The following TMEM236 variants were observed in gnomAD, a reference collection of about 807,000 sequenced individuals.
The protein encoded by TMEM236 is transmembrane protein 236.
In TMEM236, 11 loss-of-function variants were observed where a neutral mutation model predicts 14.7. The ratio of observed to expected loss-of-function variants is 0.75; its 90% CI spans 0.47 to 1.24. The LOEUF (loss-of-function observed/expected upper bound fraction) is 1.24, where lower values mean the gene tolerates loss of function less well. Among genes scored for constraint, TMEM236 ranks in the 50% most tolerant of loss-of-function variants. TMEM236 has a pLI of 0.00. For missense variants in TMEM236, 464 were observed against 427.3 expected (o/e 1.09, Z -0.76); for synonymous variants, 182 against 168.6 (o/e 1.08, Z -0.62).
At chr10:17,785,745 G>A (rs1036597606) in intron 3 of TMEM236, among the ~76,000 whole-genome samples, 5 of 151,574 alleles carry the variant, frequency 3.3e-5, no homozygotes, top group African/African-American at 9.7e-5. Context: ...GGGACCAACC[G>A]GGGGGGGATA....
rs1381150086 is a variant in TMEM236, at chr10:17,764,927, G to C, written c.258-6382G>C. 2.1e-5 allele frequency among the ~76,000 whole-genome samples: 3 copies of C among 145,652 alleles called. No homozygotes were observed. In the East Asian group the frequency reaches 6.2e-4, roughly 30 times the overall value. Reference sequence around the variant, plus strand: ...GGCTCACCTCAACCTCTGCCTCCCAGATTCAAGCCTCAGCCTCCCGGGTAG... The same window carrying C: ...GGCTCACCTCAACCTCTGCCTCCCACATTCAAGCCTCAGCCTCCCGGGTAG... On this transcript the variant is annotated intron_variant, in intron 1 of 3. Coordinates refer to ENST00000377495, the MANE Select transcript of TMEM236 (RefSeq NM_001098844.3).
intron 3 of TMEM236, among the ~76,000 whole-genome samples, chr10:17,788,558 C>G (rs1837873581): frequency 6.9e-6 from 1 of 145,670 alleles, no homozygotes; most frequent in African/African-American, 2.5e-5. Context: ...CAAGACCAGC[C>G]TGAGTAACAT....
At chr10:17,776,711 G>T (rs1406465410) in intron 3 of TMEM236, among the ~76,000 whole-genome samples, 1 of 152,156 alleles carries the variant, frequency 6.6e-6, no homozygotes, top group Non-Finnish European at 1.5e-5. Context: ...AGGATGGGAA[G>T]ATGGCATGAG....
chr10:17,753,221 C>T (rs1837234907), intron 1 of TMEM236, among the ~76,000 whole-genome samples: 1 of 152,102 alleles, frequency 6.6e-6, no homozygotes, highest in Admixed American at 6.5e-5. Flanking sequence ...GCAGGGAATC[C>T]CCGTGATGCT....
chr10:17,784,145 CTT>C (rs1387580161), intron 3 of TMEM236, among the ~76,000 whole-genome samples: 3 of 152,030 alleles, frequency 2.0e-5, no homozygotes, highest in African/African-American at 7.2e-5. Flanking sequence ...CTTAAAAAGT[CTT>C]TTTTTCACTA....
chr10:17,759,998 A>G (rs1342267447), intron 1 of TMEM236, among the ~76,000 whole-genome samples: 3 of 150,856 alleles, frequency 2.0e-5, no homozygotes, highest in African/African-American at 4.9e-5. Context: ...AAAAAAAAAA[A>G]AAAAAAAAAA....
chr10:17,784,070 C>T (rs968463170), intron 3 of TMEM236, among the ~76,000 whole-genome samples: 1 of 152,026 alleles, frequency 6.6e-6, no homozygotes, highest in Middle Eastern at 3.4e-3. Flanking sequence ...TGGTGTTTTT[C>T]ATATAGGGAA....
At chr10:17,777,362 A>G (rs914599993) in intron 3 of TMEM236, among the ~76,000 whole-genome samples, 2 of 152,240 alleles carry the variant, frequency 1.3e-5, no homozygotes, top group Admixed American at 1.3e-4. Flanking sequence ...TGCCCTCCAG[A>G]GTCAAGCGTA....
At chr10:17,778,634 C>T (rs1043089430) in intron 3 of TMEM236, among the ~76,000 whole-genome samples, 1 of 152,128 alleles carries the variant, frequency 6.6e-6, no homozygotes, top group Non-Finnish European at 1.5e-5. Context: ...TGAATATGTT[C>T]TTTGCTCTTT....
At chr10:17,759,172 A>G (rs1397512293) in intron 1 of TMEM236, among the ~76,000 whole-genome samples, 1 of 152,214 alleles carries the variant, frequency 6.6e-6, no homozygotes, top group Non-Finnish European at 1.5e-5. Flanking sequence ...GAAGAAAGCT[A>G]TTTATATACA....
chr10:17,765,924 C>T (rs1837455330), intron 1 of TMEM236, among the ~76,000 whole-genome samples: 1 of 152,216 alleles, frequency 6.6e-6, no homozygotes, highest in African/African-American at 2.4e-5. Context: ...GCTCCATCAA[C>T]CCATTTTCTC....
chr10:17,784,935 T>A (rs1447866519), intron 3 of TMEM236, among the ~76,000 whole-genome samples: 1 of 152,062 alleles, frequency 6.6e-6, no homozygotes, highest in Middle Eastern at 3.2e-3. Flanking sequence ...AACCAGGAAT[T>A]TGTTCTGGGG....
rs1024277032 is a variant in TMEM236, at chr10:17,795,863, T to C, written c.473-58T>C. On this transcript the variant is annotated intron_variant, in intron 3 of 3. Transcript: ENST00000377495. ...ATGGAATTTTAAATTTGAATAACAT[T>C]TGAGCTAAAATGGATACATTTTAAA... The C allele has an allele frequency of 8.9e-4, 1,351 of 1,525,284 alleles. 5 individuals are homozygous for C. Among genetic ancestry groups the C allele is most frequent in the Non-Finnish European group, 1.1e-3 (1,199 of 1,102,572 alleles). The allele number at this position is 1,525,284 out of a possible 1,614,324, so 94.5% of individuals were successfully genotyped here.
chr10:17,784,437 A>G (rs1312951434), intron 3 of TMEM236, among the ~76,000 whole-genome samples: 1 of 152,214 alleles, frequency 6.6e-6, no homozygotes, highest in African/African-American at 2.4e-5. Context: ...GAACTGAATC[A>G]GGATCTCTGG....
chr10:17,794,758 C>A (rs920831807), intron 3 of TMEM236, among the ~76,000 whole-genome samples: 7 of 152,168 alleles, frequency 4.6e-5, no homozygotes, highest in Non-Finnish European at 7.4e-5. Flanking sequence ...TCCTTCTAGG[C>A]CAGGCACTGT....
chr10:17,761,002 C>T (rs953301186), intron 1 of TMEM236, among the ~76,000 whole-genome samples: 9 of 152,298 alleles, frequency 5.9e-5, no homozygotes, highest in South Asian at 4.1e-4. Context: ...CCAGCCAAGC[C>T]GTATCACACT....
At chr10:17,768,473 A>G (rs1047870623) in intron 1 of TMEM236, among the ~76,000 whole-genome samples, 1 of 152,170 alleles carries the variant, frequency 6.6e-6, no homozygotes, top group Non-Finnish European at 1.5e-5. Flanking sequence ...AAAAATCTGT[A>G]TATTTTATTT....
At chr10:17,775,607 C>T (rs952601213) in intron 2 of TMEM236, among the ~76,000 whole-genome samples, 4 of 152,290 alleles carry the variant, frequency 2.6e-5, no homozygotes, top group East Asian at 1.9e-4. Flanking sequence ...TTTAAGCAGA[C>T]GAAGGAAGTG....
chr10:17,792,510 CT>C (rs1837942793), intron 3 of TMEM236, among the ~76,000 whole-genome samples: 1 of 152,172 alleles, frequency 6.6e-6, no homozygotes, highest in Admixed American at 6.5e-5. Flanking sequence ...GTGTTAAAAA[CT>C]TTTGGAGAAC....
Sources: allele counts gnomAD v4.1 joint callset (sites outside exome capture counted in the v4.1 genomes callset), GRCh38; gene constraint gnomAD v4.1.1; transcripts MANE v1.5; gene names NCBI Gene and HGNC (gene_info 2026-07-23, HGNC 2026-07-21).